The following FMN2 variants were observed in gnomAD, a reference collection of about 807,000 sequenced individuals.
FMN2 encodes formin-2.
In FMN2, 51 loss-of-function variants were observed where a neutral mutation model predicts 142.3. The ratio of observed to expected loss-of-function variants is 0.36; its 90% CI spans 0.29 to 0.45. The LOEUF is 0.45. FMN2 is among the 20% of genes least tolerant of loss of function. FMN2 has a pLI of 1.00. For missense variants in FMN2, 1,936 were observed against 2,122.8 expected, an observed-to-expected ratio of 0.91 and a Z score of 1.73; for synonymous variants, 882 against 869.8, an observed-to-expected ratio of 1.01 and a Z score of -0.25.
chr1:240,442,219 C>T (rs1327922474), intron 16 of FMN2, among the ~76,000 whole-genome samples: 1 of 152,212 alleles, frequency 6.6e-6, no homozygotes, highest in Non-Finnish European at 1.5e-5. Flanking sequence ...CCCAGCTAGG[C>T]TGTTTCTTAG....
At chr1:240,406,717 G>A (rs533956318) in intron 15 of FMN2, among the ~76,000 whole-genome samples, 1 of 152,234 alleles carries the variant, frequency 6.6e-6, no homozygotes, top group South Asian at 2.1e-4. Flanking sequence ...ATTCTCAAAA[G>A]GGTGAATGTG....
chr1:240,134,154 G>A (rs781016482), intron 2 of FMN2, among the ~76,000 whole-genome samples: 1 of 152,120 alleles, frequency 6.6e-6, no homozygotes, highest in Non-Finnish European at 1.5e-5. Flanking sequence ...TAATATTATT[G>A]CCTTTCAAGT....
At chr1:240,199,878 T>C (rs1666063449) in intron 4 of FMN2, among the ~76,000 whole-genome samples, 1 of 152,216 alleles carries the variant, frequency 6.6e-6, no homozygotes, top group South Asian at 2.1e-4. Context: ...CTTACTTTTC[T>C]CTTTTTCTTT....
chr1:240,323,114 T>C (rs1404821892), intron 8 of FMN2, among the ~76,000 whole-genome samples: 1 of 137,286 alleles, frequency 7.3e-6, no homozygotes, highest in Non-Finnish European at 1.6e-5. Flanking sequence ...TCTTTTCTTT[T>C]TTCTTTTTCT....
At chr1:240,175,427 C>T (rs1664875491) in intron 2 of FMN2, among the ~76,000 whole-genome samples, 1 of 152,108 alleles carries the variant, frequency 6.6e-6, no homozygotes, top group African/African-American at 2.4e-5. Flanking sequence ...GCAACAGTAT[C>T]ATTTTACGGT....
chr1:240,163,861 T>TTTA (rs1324132368), intron 2 of FMN2, among the ~76,000 whole-genome samples: 3 of 151,836 alleles, frequency 2.0e-5, no homozygotes, highest in Non-Finnish European at 4.4e-5. Context: ...CCAACTATCT[T>TTTA]TTATTATTAT....
intron 1 of FMN2, among the ~76,000 whole-genome samples, chr1:240,105,888 A>G (rs1032806181): frequency 1.3e-4 from 20 of 152,216 alleles, no homozygotes; most frequent in African/African-American, 4.8e-4. Flanking sequence ...AAATATAATC[A>G]TAGAACAGTA....
chr1:240,130,750 G>A (rs1662701459), intron 2 of FMN2, among the ~76,000 whole-genome samples: 1 of 152,136 alleles, frequency 6.6e-6, no homozygotes, highest in African/African-American at 2.4e-5. Flanking sequence ...TTTTTTGGGT[G>A]AAGAAACATA....
intron 4 of FMN2, among the ~76,000 whole-genome samples, chr1:240,196,696 A>G (rs1311971009): frequency 6.6e-6 from 1 of 152,092 alleles, no homozygotes; most frequent in Non-Finnish European, 1.5e-5. Context: ...TATTTTTAGT[A>G]GAGACAATAT....
At chr1:240,399,255 T>G (rs575193639) in intron 15 of FMN2, among the ~76,000 whole-genome samples, 2 of 152,286 alleles carry the variant, frequency 1.3e-5, no homozygotes, top group South Asian at 4.1e-4. Flanking sequence ...TCTTCACAAT[T>G]TCCTTTTCTT....
intron 8 of FMN2, among the ~76,000 whole-genome samples, chr1:240,315,979 T>C (rs1276298359): frequency 6.6e-6 from 1 of 152,196 alleles, no homozygotes; most frequent in Non-Finnish European, 1.5e-5. Context: ...AACATATATA[T>C]AGGGTTTTTA....
chr1:240,408,471 A>C (rs142579052), intron 15 of FMN2, among the ~76,000 whole-genome samples: 5 of 152,314 alleles, frequency 3.3e-5, no homozygotes, highest in African/African-American at 1.2e-4. Context: ...TGTGATAGCT[A>C]CTTGTTCACC....
At chr1:240,163,563 A>G (rs1664366380) in intron 2 of FMN2, among the ~76,000 whole-genome samples, 1 of 152,046 alleles carries the variant, frequency 6.6e-6, no homozygotes, top group African/African-American at 2.4e-5. Context: ...TTTACTTTCT[A>G]GTAATCTTAA....
At chr1:240,253,990 G>A (rs773149408) in intron 6 of FMN2, among the ~76,000 whole-genome samples, 20 of 152,146 alleles carry the variant, frequency 1.3e-4, no homozygotes, top group Non-Finnish European at 2.8e-4. Flanking sequence ...GGTGCTTGAG[G>A]TGGCAGTGGC....
intron 13 of FMN2, 138 bp downstream of exon 13, chr1:240,334,367 AT>A (rs1286216818): frequency 9.8e-7 from 1 of 1,023,844 alleles, no homozygotes; most frequent in Non-Finnish European, 1.3e-6. Flanking sequence ...CGAAAGAACA[AT>A]TTTGCCTATA....
chr1:240,290,830 A>G (rs1215190252), intron 7 of FMN2, among the ~76,000 whole-genome samples: 2 of 118,730 alleles, frequency 1.7e-5, no homozygotes, highest in East Asian at 2.5e-4. Flanking sequence ...TGGCTCTGTC[A>G]CCCAGGCTGG....
At chr1:240,347,763 G>A (rs1671957583) in intron 13 of FMN2, among the ~76,000 whole-genome samples, 1 of 152,024 alleles carries the variant, frequency 6.6e-6, no homozygotes, top group Admixed American at 6.6e-5. Context: ...CCAATGTTTA[G>A]CTCCCACTTG....
At chr1:240,411,114 G>A (rs1674372953) in intron 15 of FMN2, among the ~76,000 whole-genome samples, 1 of 152,136 alleles carries the variant, frequency 6.6e-6, no homozygotes, top group Non-Finnish European at 1.5e-5. Context: ...TTGTCTAGAA[G>A]ATATACAATA....
At chr1:240,141,197 A>G (rs1404399677) in intron 2 of FMN2, among the ~76,000 whole-genome samples, 1 of 152,172 alleles carries the variant, frequency 6.6e-6, no homozygotes, top group Non-Finnish European at 1.5e-5. Context: ...AATCCTGGAC[A>G]TTTTTAGAGA....
Sources: allele counts gnomAD v4.1 joint callset (sites outside exome capture counted in the v4.1 genomes callset), GRCh38; gene constraint gnomAD v4.1.1; transcripts MANE v1.5; gene names NCBI Gene and HGNC (gene_info 2026-07-23, HGNC 2026-07-21).